SEC16A: variants seen among roughly 807,000 people sequenced by gnomAD.
SEC16A encodes the protein SEC16 homolog A, endoplasmic reticulum export factor.
In SEC16A, 110 loss-of-function variants were observed where a neutral mutation model predicts 221.9. That is an observed-to-expected ratio of 0.50 (90% CI 0.42 to 0.58). The LOEUF is 0.58. Ranked by LOEUF, SEC16A falls within the 20% of genes least tolerant of loss-of-function variation. The pLI is 0.00. For synonymous variants in SEC16A, 1,393 were observed against 1,257.7 expected (o/e 1.11, Z -2.28); for missense variants, 3,165 against 3,097.8 (o/e 1.02, Z -0.52).
chr9:136,472,073 A>G lies in SEC16A; in HGVS notation c.3606T>C (p.Tyr1202=). The G allele has an allele frequency of 1.2e-6, 2 of 1,613,708 alleles. No individual in the cohort carries two copies. Among genetic ancestry groups the G allele is most frequent in the South Asian group, 2.2e-5 (2 of 91,088 alleles). The change falls in exon 4 of 32, where the codon TAT becomes TAC. Residue 1202 remains tyrosine (Y), a synonymous_variant. Transcript: ENST00000684901. The part of the protein sequence containing the change: ...YSLYEPRYRP[Y]DGAASAYAQN... ...GGGCGTAAGCAGACGCAGCACCATC[A>G]TAGGGCCTGTATCGAGGCTCATAGA...
chr9:136,477,340 C>T lies in SEC16A; in HGVS notation c.276G>A (p.Leu92=), dbSNP rs371655852. 5.7e-5 allele frequency: 92 copies of T among 1,613,856 alleles called. No individual in the cohort carries two copies. In the African/African-American group the frequency reaches 1.1e-3, roughly 20 times the overall value. ...APAGFSQHPG[L]LVPHTHARDS... ...CTCTGGCATGTGTGTGAGGAACAAG[C>T]AAACCGGGGTGCTGAGAAAACCCTG... Residue 92 remains leucine, a synonymous_variant, in exon 3 of 32, where the codon TTG becomes TTA. Transcript: ENST00000684901.
In SEC16A at chr9:136,459,409, A is replaced by G; in HGVS notation, c.5303+35T>C. On this transcript the variant is annotated intron_variant, in intron 16 of 31. Coordinates refer to ENST00000684901, the MANE Select transcript of SEC16A (RefSeq NM_014866.2). The surrounding 1 kb of genome is among the most constrained non-coding windows in gnomAD (Gnocchi z 6.1). The stretch of plus-strand genomic sequence containing the variant: ...AAGGATTTTGTTTTACTTTGAAAGG[A>G]AAACTTACAGGACTACACTGACTTG... 6.6e-7 allele frequency: 1 copy of G among 1,519,576 alleles called. No individual in the cohort carries two copies. The highest frequency in any genetic ancestry group is 2.0e-5 in the Admixed American group (1 of 49,822). 94.1% of individuals were successfully genotyped at this position (1,519,576 alleles called of 1,614,324 possible). A position where few individuals can be genotyped will look rare whatever the true frequency, so the allele number is the denominator to read the frequency against.
chr9:136,464,262 G>C (rs1409092125), intron 9 of SEC16A, among the ~76,000 whole-genome samples, 158 bp downstream of exon 9: 1 of 152,270 alleles, frequency 6.6e-6, no homozygotes, highest in Non-Finnish European at 1.5e-5. Flanking sequence ...TGATCAAATA[G>C]AAGAAAAACC....
chr9:136,484,656 G>A (rs1161904377), upstream of SEC16A: 3 of 1,365,906 alleles, frequency 2.2e-6, no homozygotes, highest in Non-Finnish European at 2.9e-6. Flanking sequence ...GGTGAGGGAG[G>A]GGGTGATATC....
intron 17 of SEC16A, among the ~76,000 whole-genome samples, chr9:136,458,688 C>T (rs1179147151): frequency 6.6e-6 from 1 of 151,440 alleles, no homozygotes; most frequent in East Asian, 1.9e-4. Flanking sequence ...AATCCCAACA[C>T]TCTGGGAGGC....
In SEC16A at chr9:136,477,561, C is replaced by T. The variant is rs575810885; in HGVS notation, c.55G>A (p.Gly19Arg). ...GCCCAGAACACGCTCCGAGGATTCCCGGCTGGAGGTGGCCCAGCCATGCCA... is the reference window on the plus strand; with the variant it reads ...GCCCAGAACACGCTCCGAGGATTCCTGGCTGGAGGTGGCCCAGCCATGCCA... ...PSGMAGPPPAGNPRSVFWASS... is the reference protein window; with the variant it reads ...PSGMAGPPPARNPRSVFWASS... Residue 19 changes from glycine (G) to arginine (R), a missense_variant, in exon 3 of 32, where the codon GGG (glycine) becomes AGG (arginine). Around this residue, in one of 3 missense-constraint regions of SEC16A, gnomAD observed 2,030 missense variants for 1,923.1 expected, o/e 1.06. Transcript: ENST00000684901. 20 of 1,612,894 alleles carry T rather than the reference C, an allele frequency of 1.2e-5. No homozygotes were observed. Among genetic ancestry groups the T allele is most frequent in the South Asian group, 9.9e-5 (9 of 91,018 alleles).
upstream of SEC16A, chr9:136,483,733 G>C (rs1054511816): frequency 5.1e-6 from 5 of 985,344 alleles, no homozygotes; most frequent in Non-Finnish European, 6.0e-6. Flanking sequence ...GAGAAGCGCG[G>C]GGCCCTGACG....
Position 136,456,045 on chromosome 9 carries a change from G to A in SEC16A, c.5664+8C>T. On this transcript the variant is annotated splice_region_variant and intron_variant, in intron 19 of 31. Coordinates refer to ENST00000684901, the MANE Select transcript of SEC16A (RefSeq NM_014866.2). ...ACGCCTCTGTGCCACCCCAAGCCAA[G>A]GCTGTACCTTAATCTGCCGCTCCAC... 6.2e-7 allele frequency: 1 copy of A among 1,607,454 alleles called. No homozygotes were observed. Among genetic ancestry groups the A allele is most frequent in the Non-Finnish European group, 8.5e-7 (1 of 1,175,072 alleles).
At position 136,472,068 on chromosome 9, in the gene SEC16A, C is replaced by T. The variant is rs374254404; in HGVS notation, c.3611G>A (p.Gly1204Asp). The change falls in exon 4 of 32, where the codon GGT becomes GAT. Residue 1204 changes from glycine to aspartate, a missense_variant. By Grantham distance (94) the Gly-to-Asp change is moderately conservative (BLOSUM62 -1). This residue lies in a region of SEC16A where 2,030 missense variants were observed against 1,923.1 expected (regional missense o/e 1.06). Transcript: ENST00000684901. Reference protein sequence around the residue: ...LYEPRYRPYDGAASAYAQNYR... With the variant: ...LYEPRYRPYDDAASAYAQNYR... ...GTTCTGGGCGTAAGCAGACGCAGCA[C>T]CATCATAGGGCCTGTATCGAGGCTC... The T allele has an allele frequency of 6.2e-7, 1 of 1,613,636 alleles. No individual in the cohort carries two copies. Among genetic ancestry groups the T allele is most frequent in the South Asian group, 1.1e-5 (1 of 91,090 alleles).
rs567682784 is a variant in SEC16A, at chr9:136,476,678, G to A, written c.938C>T (p.Ala313Val). Reference protein sequence around the residue: ...RQNPRIVNHWASPELRQNPGV... With the variant: ...RQNPRIVNHWVSPELRQNPGV... ...TGGATTCTGCCTGAGCTCTGGGCTT[G>A]CCCAGTGATTCACAATTCTGGGATT... Residue 313 changes from alanine (A) to valine (V), a missense_variant, in exon 3 of 32, where the codon GCA becomes GTA. Transcript: ENST00000684901. 6.4e-7 allele frequency: 1 copy of A among 1,570,360 alleles called. No homozygotes were observed. The highest frequency in any genetic ancestry group is 1.2e-5 in the South Asian group (1 of 84,382).
At chr9:136,458,922 A>G (rs138933280) in intron 17 of SEC16A, among the ~76,000 whole-genome samples, 1 of 152,326 alleles carries the variant, frequency 6.6e-6, no homozygotes, top group Non-Finnish European at 1.5e-5. Flanking sequence ...AAAGCTCATG[A>G]AAATAATTGA....
intron 4 of SEC16A, among the ~76,000 whole-genome samples, chr9:136,471,635 C>T (rs1298628454): frequency 6.6e-6 from 1 of 152,212 alleles, no homozygotes; most frequent in Non-Finnish European, 1.5e-5. Flanking sequence ...ACCCCATTAG[C>T]AAATGGCCGG....
At chr9:136,451,433 G>C (rs771203601) in intron 22 of SEC16A, 25 bp from the exon 23 acceptor site, 3 of 1,568,152 alleles carry the variant, frequency 1.9e-6, no homozygotes, top group Non-Finnish European at 1.7e-6. Flanking sequence ...TGCAGAACAG[G>C]CTCTCCTGGG....
At chr9:136,463,973 C>G (rs12551527) in intron 9 of SEC16A, among the ~76,000 whole-genome samples, 30,145 of 152,272 alleles carry the variant, frequency 0.2, 3,494 homozygotes, top group Non-Finnish European at 0.27. Flanking sequence ...TTTCTCTCCC[C>G]AAATACTGAG....
At position 136,476,038 on chromosome 9, in the gene SEC16A, G is replaced by T. The variant is rs2132923353; in HGVS notation, c.1578C>A (p.Ser526Arg). ...VHPDSVSSSY[S>R]SRSHGRLSGS... ...CTGAGAGCCTTCCGTGGCTTCTGCT[G>T]CTATAGCTGGATGACACGCTGTCAG... is the stretch of plus-strand genomic sequence containing the variant. Residue 526 changes from serine (S) to arginine (R), a missense_variant, in exon 3 of 32, where the codon AGC becomes AGA. Ser to Arg is a moderately radical substitution (Grantham distance 110). Transcript: ENST00000684901. The T allele has an allele frequency of 1.2e-6, 2 of 1,613,426 alleles. No individual in the cohort carries two copies. The highest frequency in any genetic ancestry group is 2.2e-5 in the East Asian group (1 of 44,874).
chr9:136,444,234 C>T (rs902888776), intron 30 of SEC16A, among the ~76,000 whole-genome samples: 2 of 152,192 alleles, frequency 1.3e-5, no homozygotes, highest in Non-Finnish European at 2.9e-5. Flanking sequence ...ACACGAGGCC[C>T]AGGGCTCTCA....
Position 136,474,877 on chromosome 9 carries a change from A to G in SEC16A, c.2739T>C (p.Ala913=). 6.2e-7 allele frequency: 1 copy of G among 1,613,890 alleles called. No homozygotes were observed. Among genetic ancestry groups the G allele is most frequent in the South Asian group, 1.1e-5 (1 of 91,084 alleles). ...AQSNFPQGSG[A]SEMVSNQPAN... is the part of the protein sequence containing the mutation. ...CAGGCTGATTAGAAACCATTTCGGA[A>G]GCACCAGAACCTTGTGGAAAATTAC... is the stretch of plus-strand genomic sequence containing the variant. Residue 913 remains alanine (A), a synonymous_variant, in exon 3 of 32, where the codon GCT becomes GCC. Transcript: ENST00000684901.
rs1240219491 is a variant in SEC16A at position 136,463,060 on chromosome 9, G to A, written c.4720C>T (p.Pro1574Ser). The A allele has an allele frequency of 6.2e-7, 1 of 1,612,552 alleles. No homozygotes were observed. ...HRTVWLPGKS[P>S]NEANLIDFTN... ...AAATCAATCAGGTTTGCTTCATTGG[G>A]CGACTTCCCAGGAAGCCACACTGTT... Residue 1574 changes from proline (P) to serine (S), a missense_variant, in exon 12 of 32, where the codon CCC (proline) becomes TCC (serine). By Grantham distance (74) the Pro-to-Ser change is moderately conservative (BLOSUM62 -1). This residue lies in a region of SEC16A where 1,088 missense variants were observed against 1,089.6 expected (regional missense o/e 1.00). Coordinates refer to ENST00000684901, the MANE Select transcript of SEC16A (RefSeq NM_014866.2).
chr9:136,459,337 G>C lies in SEC16A; in HGVS notation c.5304-98C>G, dbSNP rs1242003179. 2.1e-5 allele frequency: 29 copies of C among 1,393,346 alleles called. No individual in the cohort carries two copies. The highest frequency in any genetic ancestry group is 4.0e-6 in the Non-Finnish European group (4 of 996,386). 86.3% of individuals were successfully genotyped at this position (1,393,346 alleles called of 1,614,324 possible). Reference sequence around the variant, plus strand: ...CATCCAGAAGTGTGTCCCACCACGTGACAAATAAAGACATGATTCTGGCCA... The same window carrying C: ...CATCCAGAAGTGTGTCCCACCACGTCACAAATAAAGACATGATTCTGGCCA... On this transcript the variant is annotated intron_variant, in intron 16 of 31. Transcript: ENST00000684901. This position sits in a 1 kb window ranked among gnomAD's most constrained non-coding sequence, Gnocchi z 6.1.
Sources: gnomAD v4.1 joint callset for allele counts (sites outside exome capture counted in the v4.1 genomes callset) on GRCh38, gnomAD v4.1.1 for gene constraint, gnomAD v4.1.1 regional missense constraint, Gnocchi (gnomAD v3.1) non-coding constraint, MANE v1.5 for transcripts, NCBI Gene and HGNC (gene_info 2026-07-23, HGNC 2026-07-21) for gene names.